The following CCDC3 variants were observed in gnomAD, a reference collection of about 807,000 sequenced individuals.
CCDC3 encodes the protein coiled-coil domain-containing protein 3.
CCDC3 carries 24 observed loss-of-function variants against 21.4 expected under a neutral mutation model. The observed-to-expected ratio is 1.12, with a 90% CI of 0.81 to 1.58. The LOEUF is 1.58. CCDC3 is among the 40% of genes most tolerant of loss of function. The pLI, the probability that CCDC3 is intolerant of heterozygous loss-of-function variation, is 0.00. For synonymous variants in CCDC3, 186 were observed against 166.0 expected (o/e 1.12, Z -0.93); for missense variants, 425 against 360.9 (o/e 1.18, Z -1.44).
At position 12,979,772 on chromosome 10, in the gene CCDC3, T is replaced by C. The variant is rs535214394; in HGVS notation, c.549+18566A>G. 2.6e-5 allele frequency among the ~76,000 whole-genome samples: 4 copies of C among 152,270 alleles called. No homozygotes were observed. In the East Asian group the frequency reaches 7.7e-4, roughly 29 times the overall value. On this transcript the variant is annotated intron_variant, in intron 2 of 2. Transcript: ENST00000378825. Reference sequence around the variant, plus strand: ...AAACTTTGGCTAAATAAACCGCTACTGACTGAGACACCTGCCTCAGTTGCT... The same window carrying C: ...AAACTTTGGCTAAATAAACCGCTACCGACTGAGACACCTGCCTCAGTTGCT...
chr10:12,899,921 TC>T lies in CCDC3; in HGVS notation c.550-1243del, dbSNP rs141765604. On this transcript the variant is annotated intron_variant, in intron 2 of 2. Transcript: ENST00000378825. ...CCCAAATCTCATCTTGAATTCTAGC[TC>T]TTATAATCTCCATGTGTCATGGGAG... Among the ~76,000 whole-genome samples, 658 of 152,354 alleles carry T rather than the reference TC, an allele frequency of 4.3e-3. 5 individuals are homozygous for T. Among genetic ancestry groups the T allele is most frequent in the African/African-American group, 0.015 (604 of 41,582 alleles).
intron 2 of CCDC3, among the ~76,000 whole-genome samples, chr10:12,981,158 C>T (rs1320498567): frequency 2.0e-5 from 3 of 151,060 alleles, no homozygotes; most frequent in Non-Finnish European, 4.4e-5. Context: ...CAAGTGTGAG[C>T]CACTGCATCT....
intron 2 of CCDC3, among the ~76,000 whole-genome samples, chr10:12,946,221 C>T (rs1834914847): frequency 1.3e-5 from 2 of 152,180 alleles, no homozygotes; most frequent in South Asian, 2.1e-4. Flanking sequence ...TGAAACCAAA[C>T]ATGTCCACTA....
chr10:12,980,841 G>C (rs551304064), intron 2 of CCDC3, among the ~76,000 whole-genome samples: 1 of 151,936 alleles, frequency 6.6e-6, no homozygotes, highest in African/African-American at 2.4e-5. Flanking sequence ...AGCTACAGGG[G>C]ACTTTGGAAA....
intron 2 of CCDC3, among the ~76,000 whole-genome samples, chr10:12,972,470 C>T (rs531981212): frequency 2.0e-5 from 3 of 152,294 alleles, no homozygotes; most frequent in African/African-American, 7.2e-5. Flanking sequence ...GTCCCCTTCA[C>T]CCTGTCCCAA....
intron 2 of CCDC3, among the ~76,000 whole-genome samples, chr10:12,914,170 T>C (rs1358919853): frequency 6.6e-6 from 1 of 152,238 alleles, no homozygotes; most frequent in Non-Finnish European, 1.5e-5. Context: ...CTTCTTTAAA[T>C]GTTTGGTAGA....
chr10:12,993,069 C>G (rs566659445), intron 2 of CCDC3, among the ~76,000 whole-genome samples: 1 of 152,238 alleles, frequency 6.6e-6, no homozygotes, highest in East Asian at 1.9e-4. Flanking sequence ...CCTGTTACTA[C>G]TGATGTTGCC....
chr10:12,956,189 T>G (rs1471360692), intron 2 of CCDC3, among the ~76,000 whole-genome samples: 1 of 152,204 alleles, frequency 6.6e-6, no homozygotes, highest in African/African-American at 2.4e-5. Flanking sequence ...GTTGCAATCT[T>G]GCCAAACCAC....
chr10:12,898,626 C>G lies in CCDC3; in HGVS notation c.603G>C (p.Lys201Asn). ...GGGTGGCCACTTTCTGCTGCAGTTTCTTGACGTGGTCCTCCTCCTCAAACA... is the reference window on the plus strand; with the variant it reads ...GGGTGGCCACTTTCTGCTGCAGTTTGTTGACGTGGTCCTCCTCCTCAAACA... ...KALFEEEDHVKKLQQKVATLE... is the reference protein window; with the variant it reads ...KALFEEEDHVNKLQQKVATLE... Residue 201 changes from lysine (K) to asparagine (N), a missense_variant, in exon 3 of 3, where the codon AAG becomes AAC. Transcript: ENST00000378825. 1 of 1,614,228 alleles carries G rather than the reference C, an allele frequency of 6.2e-7. No individual in the cohort carries two copies. The highest frequency in any genetic ancestry group is 8.5e-7 in the Non-Finnish European group (1 of 1,180,032).
chr10:13,007,599 C>A (rs374781521), intron 5 of CCDC3, among the ~76,000 whole-genome samples: 1 of 151,952 alleles, frequency 6.6e-6, no homozygotes, highest in East Asian at 1.9e-4. Flanking sequence ...TTGGTTATAC[C>A]ACTAGTTGAA....
intron 5 of CCDC3, among the ~76,000 whole-genome samples, chr10:13,034,334 G>T (rs1452780001): frequency 7.9e-6 from 1 of 126,488 alleles, no homozygotes; most frequent in Non-Finnish European, 1.6e-5. Context: ...ACACACCGGG[G>T]CCTGTTGGGG....
intron 2 of CCDC3, among the ~76,000 whole-genome samples, chr10:12,964,552 C>G (rs903801648): frequency 6.6e-6 from 1 of 152,094 alleles, no homozygotes; most frequent in African/African-American, 2.4e-5. Flanking sequence ...GAGAGAATGC[C>G]GAGCCAAAAG....
intron 2 of CCDC3, among the ~76,000 whole-genome samples, chr10:12,935,770 A>G (rs981592122): frequency 2.6e-5 from 4 of 151,352 alleles, no homozygotes; most frequent in African/African-American, 4.9e-5. Context: ...GGTTCACGCC[A>G]TTCTCCTGCC....
At chr10:13,099,343 G>GT (rs368738460) in intron 1 of CCDC3, 2,623 of 151,000 alleles carry the variant, frequency 0.017, 75 homozygotes, top group African/African-American at 0.061. Context: ...TTGTTGTTTT[G>GT]TTTTTTTTCT....
chr10:12,964,874 C>A (rs181605898), intron 2 of CCDC3, among the ~76,000 whole-genome samples: 1 of 152,220 alleles, frequency 6.6e-6, no homozygotes, highest in African/African-American at 2.4e-5. Flanking sequence ...ACAGGCCACC[C>A]CAAAATATGC....
At chr10:12,928,929 C>A (rs1251018) in intron 2 of CCDC3, among the ~76,000 whole-genome samples, 131,150 of 152,052 alleles carry the variant, frequency 0.86, 56,715 homozygotes, top group East Asian at 1. Flanking sequence ...GTTGACTTCA[C>A]CTGGAGGTAA....
At chr10:13,097,583 G>A (rs1462297947) in intron 3 of CCDC3, among the ~76,000 whole-genome samples, 1 of 152,142 alleles carries the variant, frequency 6.6e-6, no homozygotes, top group Non-Finnish European at 1.5e-5. Flanking sequence ...AATTAGCTTG[G>A]TGTGGTGGCA....
At chr10:13,080,068 A>G (rs535910860) in intron 3 of CCDC3, among the ~76,000 whole-genome samples, 57 of 152,364 alleles carry the variant, frequency 3.7e-4, no homozygotes, top group African/African-American at 1.3e-3. Flanking sequence ...TAACGACTCA[A>G]ACAACTTGAA....
intron 2 of CCDC3, among the ~76,000 whole-genome samples, chr10:12,900,475 G>A (rs1005410915): frequency 2.2e-5 from 3 of 138,348 alleles, no homozygotes; most frequent in East Asian, 2.2e-4. Context: ...TCAGGAGATC[G>A]AGACCATCCT....
Sources: gnomAD v4.1 joint callset for allele counts (sites outside exome capture counted in the v4.1 genomes callset) on GRCh38, gnomAD v4.1.1 for gene constraint, MANE v1.5 for transcripts, NCBI Gene and HGNC (gene_info 2026-07-23, HGNC 2026-07-21) for gene names.